PDE10A: variants seen among roughly 807,000 people sequenced by gnomAD.
The protein encoded by PDE10A is cAMP and cAMP-inhibited cGMP 3',5'-cyclic phosphodiesterase 10A.
Under a neutral mutation model 97.7 loss-of-function variants are expected in PDE10A, and 39 were observed. The ratio of observed to expected loss-of-function variants is 0.40; its 90% CI spans 0.31 to 0.52. PDE10A has a LOEUF of 0.52. Ranked by LOEUF, PDE10A falls within the 20% of genes least tolerant of loss-of-function variation. The probability of loss-of-function intolerance (pLI) is 0.56; values close to 1 mark genes in which losing one functional copy is unlikely to be tolerated. For synonymous variants in PDE10A, 371 were observed against 376.8 expected, an observed-to-expected ratio of 0.98 and a Z score of 0.18; for missense variants, 731 against 1,047.8, an observed-to-expected ratio of 0.70 and a Z score of 4.17.
chr6:165,611,630 G>C (rs1158532624), intron 1 of PDE10A, among the ~76,000 whole-genome samples: 1 of 152,238 alleles, frequency 6.6e-6, no homozygotes, highest in African/African-American at 2.4e-5. Context: ...TCAATTGCCT[G>C]CTAGCCTATC....
intron 18 of PDE10A, among the ~76,000 whole-genome samples, chr6:165,349,290 A>T (rs934755380): frequency 6.6e-6 from 1 of 152,204 alleles, no homozygotes; most frequent in African/African-American, 2.4e-5. Flanking sequence ...AGTGATAAGG[A>T]CAATGAAGTC....
chr6:165,648,867 G>A (rs1043048110), intron 1 of PDE10A, among the ~76,000 whole-genome samples: 1 of 152,162 alleles, frequency 6.6e-6, no homozygotes, highest in African/African-American at 2.4e-5. Flanking sequence ...CATTCCGGGT[G>A]GCTTGCAAAG....
intron 1 of PDE10A, among the ~76,000 whole-genome samples, chr6:165,626,334 T>C (rs1788384597): frequency 6.6e-6 from 1 of 152,224 alleles, no homozygotes; most frequent in East Asian, 1.9e-4. Flanking sequence ...GTATGTTCAT[T>C]CTCTTATGTT....
At chr6:165,909,237 C>T (rs369317411) in intron 1 of PDE10A, among the ~76,000 whole-genome samples, 1 of 152,200 alleles carries the variant, frequency 6.6e-6, no homozygotes, top group Non-Finnish European at 1.5e-5. Context: ...TCCCAGGGCC[C>T]CTGGCTGGGG....
chr6:165,451,835 T>G (rs1210277268), intron 3 of PDE10A, among the ~76,000 whole-genome samples: 1 of 152,112 alleles, frequency 6.6e-6, no homozygotes, highest in African/African-American at 2.4e-5. Flanking sequence ...CACATTCTAG[T>G]TGGAAGAGAA....
chr6:165,745,440 C>G (rs1219609666), intron 1 of PDE10A, among the ~76,000 whole-genome samples: 3 of 152,170 alleles, frequency 2.0e-5, no homozygotes, highest in Non-Finnish European at 4.4e-5. Flanking sequence ...AGAAAACTAT[C>G]AGTTCTGATA....
intron 3 of PDE10A, among the ~76,000 whole-genome samples, chr6:165,470,976 C>A (rs141677239): frequency 6.6e-6 from 1 of 152,206 alleles, no homozygotes; most frequent in African/African-American, 2.4e-5. Flanking sequence ...CCACCCATTT[C>A]TCTCCTCTCT....
upstream of PDE10A, among the ~76,000 whole-genome samples, chr6:165,666,553 A>C (rs550178385): frequency 3.1e-4 from 47 of 152,294 alleles, no homozygotes; most frequent in African/African-American, 1.0e-3. Flanking sequence ...GTGTCATATC[A>C]CACAAACTCT....
At chr6:165,368,509 T>G (rs1201441337) in intron 18 of PDE10A, among the ~76,000 whole-genome samples, 2 of 152,182 alleles carry the variant, frequency 1.3e-5, no homozygotes, top group East Asian at 1.9e-4. Flanking sequence ...AAATGCATAC[T>G]GTAAACTCAG....
At chr6:165,967,677 C>T (rs376610871) in intron 1 of PDE10A, among the ~76,000 whole-genome samples, 29 of 152,294 alleles carry the variant, frequency 1.9e-4, no homozygotes, top group African/African-American at 7.0e-4. Context: ...GTGTCTTGGG[C>T]ATTTTCCTTG....
chr6:165,413,447 G>A, intron 13 of PDE10A, 54 bp downstream of exon 13: 8 of 1,230,534 alleles, frequency 6.5e-6, no homozygotes, highest in South Asian at 4.8e-5. Context: ...TTATGAAAAA[G>A]ATTCCAAATT....
chr6:165,399,909 A>T (rs1786508060), intron 13 of PDE10A, among the ~76,000 whole-genome samples: 1 of 152,216 alleles, frequency 6.6e-6, no homozygotes. Flanking sequence ...TCTTTATAGC[A>T]GCATGATTTA....
At chr6:165,759,404 G>A (rs1310827638) in intron 1 of PDE10A, among the ~76,000 whole-genome samples, 4 of 152,102 alleles carry the variant, frequency 2.6e-5, no homozygotes, top group African/African-American at 4.8e-5. Context: ...CAGTCCAGGC[G>A]AGGACCTGCC....
At chr6:165,772,645 T>C (rs1778046758) in intron 1 of PDE10A, among the ~76,000 whole-genome samples, 1 of 152,214 alleles carries the variant, frequency 6.6e-6, no homozygotes, top group Non-Finnish European at 1.5e-5. Flanking sequence ...ATGATGATTA[T>C]TGTCATTGTA....
At chr6:165,567,758 C>A (rs1360090862) in intron 1 of PDE10A, among the ~76,000 whole-genome samples, 1 of 152,050 alleles carries the variant, frequency 6.6e-6, no homozygotes, top group Non-Finnish European at 1.5e-5. Flanking sequence ...ATAAATAATC[C>A]AAGGTCACAT....
chr6:165,618,248 T>C (rs1458502325), intron 1 of PDE10A, among the ~76,000 whole-genome samples: 1 of 152,234 alleles, frequency 6.6e-6, no homozygotes, highest in Non-Finnish European at 1.5e-5. Context: ...GGATTTTTTT[T>C]CTTTTTTTAC....
Position 165,914,603 on chromosome 6 carries a change from A to G in PDE10A, c.-615+72926T>C, listed in dbSNP as rs575519010. On this transcript the variant is annotated intron_variant, in intron 1 of 19. Transcript: ENST00000366882. ...AAAGTGTCAAGGGATGTTGTCACCA[A>G]CTCAGACAGAATGGGTCACTAGAAA... Among the ~76,000 whole-genome samples the G allele has an allele frequency of 2.6e-5, 4 of 152,316 alleles. No homozygotes were observed. The South Asian group carries it at 8.3e-4, about 32-fold the overall frequency.
chr6:165,563,540 T>C (rs971303412), intron 1 of PDE10A, among the ~76,000 whole-genome samples: 16 of 152,130 alleles, frequency 1.1e-4, no homozygotes, highest in African/African-American at 3.9e-4. Flanking sequence ...CTCTAACTCA[T>C]GGCTTTCATG....
chr6:165,963,943 A>C (rs959061734), intron 1 of PDE10A, among the ~76,000 whole-genome samples: 5 of 152,252 alleles, frequency 3.3e-5, no homozygotes, highest in Non-Finnish European at 7.3e-5. Context: ...AGGAAGGGCA[A>C]GAATCCGTCA....
Sources: gnomAD v4.1 joint callset for allele counts (sites outside exome capture counted in the v4.1 genomes callset) on GRCh38, gnomAD v4.1.1 for gene constraint, MANE v1.5 for transcripts, NCBI Gene and HGNC (gene_info 2026-07-23, HGNC 2026-07-21) for gene names.